The following PALM2AKAP2 variants were observed in gnomAD, a reference collection of about 807,000 sequenced individuals.
PALM2AKAP2 encodes PALM2 and AKAP2 fusion.
A neutral mutation model predicts 71.5 loss-of-function variants in PALM2AKAP2; 37 were observed. That is an observed-to-expected ratio of 0.52 (90% CI 0.40 to 0.68). The LOEUF (loss-of-function observed/expected upper bound fraction) is 0.68, where lower values mean the gene tolerates loss of function less well. Ranked by LOEUF, PALM2AKAP2 falls within the 30% of genes least tolerant of loss-of-function variation. The pLI is 0.00. For synonymous variants in PALM2AKAP2, 468 were observed against 478.8 expected, an observed-to-expected ratio of 0.98 and a Z score of 0.29; for missense variants, 1,224 against 1,191.8, an observed-to-expected ratio of 1.03 and a Z score of -0.40.
intron 3 of PALM2AKAP2, among the ~76,000 whole-genome samples, chr9:109,894,050 C>T (rs956993130): frequency 1.4e-5 from 2 of 145,392 alleles, no homozygotes; most frequent in South Asian, 4.4e-4. Flanking sequence ...AAAAAAGAAG[C>T]ATCTGGCTGG....
At chr9:109,919,735 ATGTG>A (rs1163749906) in intron 3 of PALM2AKAP2, among the ~76,000 whole-genome samples, 2,274 of 143,016 alleles carry the variant, frequency 0.016, 49 homozygotes, top group African/African-American at 0.052. Context: ...GTGTATACAT[ATGTG>A]TGTGTGTGTG....
chr9:110,172,156 TTTAA>T (rs1836874479), exon 4 of PALM2AKAP2: 1 of 152,620 alleles, frequency 6.6e-6, no homozygotes, highest in Non-Finnish European at 1.5e-5. Context: ...AAAGAATGGA[TTTAA>T]TTAAACTATG....
At chr9:109,786,087 C>T (rs1271200114) in intron 1 of PALM2AKAP2, among the ~76,000 whole-genome samples, 1 of 152,210 alleles carries the variant, frequency 6.6e-6, no homozygotes, top group Non-Finnish European at 1.5e-5. Flanking sequence ...GTGCCGTGGG[C>T]TTACAGAGAA....
At chr9:110,084,001 C>T (rs1834505426) in intron 1 of PALM2AKAP2, among the ~76,000 whole-genome samples, 1 of 152,162 alleles carries the variant, frequency 6.6e-6, no homozygotes, top group Non-Finnish European at 1.5e-5. Flanking sequence ...ATGCCTAGGG[C>T]GGGAACTCCC....
chr9:109,972,746 CGAG>C (rs1832093856), intron 6 of PALM2AKAP2, among the ~76,000 whole-genome samples: 1 of 152,174 alleles, frequency 6.6e-6, no homozygotes, highest in South Asian at 2.1e-4. Context: ...TGCAGTGTTA[CGAG>C]GAGACAAAGT....
intron 1 of PALM2AKAP2, among the ~76,000 whole-genome samples, chr9:110,120,036 C>T (rs1295775877): frequency 1.3e-5 from 2 of 152,168 alleles, no homozygotes; most frequent in South Asian, 2.1e-4. Flanking sequence ...CCCTTTTGCA[C>T]ATACCTATTT....
At position 109,893,648 on chromosome 9, in the gene PALM2AKAP2, G is replaced by A. The variant is rs1253690814; in HGVS notation, c.257+12967G>A. On this transcript the variant is annotated intron_variant, in intron 3 of 9. Coordinates refer to the PALM2AKAP2 transcript ENST00000302798. Reference sequence around the variant, plus strand: ...AACACCGTAGAGATGGGGTTTCACCGTGTTGGCCAGGGTAGTTTTGAACTC... The same window carrying A: ...AACACCGTAGAGATGGGGTTTCACCATGTTGGCCAGGGTAGTTTTGAACTC... 6.6e-5 allele frequency among the ~76,000 whole-genome samples: 10 copies of A among 152,104 alleles called. No individual in the cohort carries two copies. The East Asian group carries it at 7.7e-4, about 12-fold the overall frequency.
chr9:109,926,891 T>G (rs562235626), intron 5 of PALM2AKAP2, among the ~76,000 whole-genome samples: 133 of 152,316 alleles, frequency 8.7e-4, no homozygotes, highest in South Asian at 1.9e-3. Context: ...TACCTCAAAC[T>G]TCTTTCATTT....
At chr9:109,674,364 A>T (rs1445258185) in intron 1 of PALM2AKAP2, among the ~76,000 whole-genome samples, 3 of 152,004 alleles carry the variant, frequency 2.0e-5, no homozygotes, top group Non-Finnish European at 4.4e-5. Flanking sequence ...GCTACAGGTC[A>T]CATTTTCCTT....
intron 1 of PALM2AKAP2, among the ~76,000 whole-genome samples, chr9:109,766,602 A>G (rs1028867): frequency 0.83 from 125,895 of 152,212 alleles, 52,702 homozygotes; most frequent in African/African-American, 0.95. Flanking sequence ...TTTCATGTTA[A>G]CCTCATCATC....
At chr9:110,115,489 A>C (rs943327302) in intron 1 of PALM2AKAP2, among the ~76,000 whole-genome samples, 2 of 152,150 alleles carry the variant, frequency 1.3e-5, no homozygotes, top group African/African-American at 4.8e-5. Flanking sequence ...CCTATTTCTC[A>C]TCAGGCCAGT....
chr9:109,955,455 T>C (rs1831728887), intron 6 of PALM2AKAP2, among the ~76,000 whole-genome samples: 1 of 152,212 alleles, frequency 6.6e-6, no homozygotes, highest in South Asian at 2.1e-4. Context: ...GGAAAATAAA[T>C]AGATACTTTG....
upstream of PALM2AKAP2, among the ~76,000 whole-genome samples, chr9:110,046,162 T>C (rs1268511974): frequency 1.3e-5 from 2 of 152,366 alleles, no homozygotes; most frequent in East Asian, 3.9e-4. Context: ...TACTTTTGCA[T>C]GCAGCCATTC....
At chr9:109,683,111 T>C (rs1445751306) in intron 1 of PALM2AKAP2, among the ~76,000 whole-genome samples, 4 of 152,288 alleles carry the variant, frequency 2.6e-5, no homozygotes, top group South Asian at 4.2e-4. Context: ...TTTCACCATG[T>C]GAAGTGCCTG....
At chr9:109,921,682 AG>A (rs1830833310) in intron 3 of PALM2AKAP2, among the ~76,000 whole-genome samples, 1 of 152,216 alleles carries the variant, frequency 6.6e-6, no homozygotes, top group Non-Finnish European at 1.5e-5. Flanking sequence ...TGAGTTTCCT[AG>A]AGGAGGAAAA....
At chr9:109,657,598 G>A (rs1309027555) in intron 1 of PALM2AKAP2, among the ~76,000 whole-genome samples, 2 of 152,056 alleles carry the variant, frequency 1.3e-5, no homozygotes, top group African/African-American at 4.8e-5. Context: ...CCCATACTGT[G>A]TAAACACATT....
chr9:109,782,382 C>T (rs934631611), intron 1 of PALM2AKAP2, among the ~76,000 whole-genome samples: 1 of 152,158 alleles, frequency 6.6e-6, no homozygotes, highest in Non-Finnish European at 1.5e-5. Context: ...CCTCCCTATT[C>T]ATGGGTTCCA....
In PALM2AKAP2 at chr9:109,788,142, A is replaced by C. The variant is rs1827017075; in HGVS notation, c.45+7609A>C. Among the ~76,000 whole-genome samples, 3 of 152,248 alleles carry C rather than the reference A, an allele frequency of 2.0e-5. 1 individual carries two copies. In the South Asian group the frequency reaches 6.2e-4, roughly 31 times the overall value. ...TAGGTAATTGCTCTCTAACTCAACCAAAACAAATCTAAACCACATCAAGTC... is the reference window on the plus strand; with the variant it reads ...TAGGTAATTGCTCTCTAACTCAACCCAAACAAATCTAAACCACATCAAGTC... On this transcript the variant is annotated intron_variant, in intron 1 of 9. Transcript: ENST00000302798.
chr9:109,862,594 T>C (rs1829342452), intron 1 of PALM2AKAP2, among the ~76,000 whole-genome samples: 1 of 152,180 alleles, frequency 6.6e-6, no homozygotes, highest in African/African-American at 2.4e-5. Flanking sequence ...TCAATAGCTA[T>C]TGCAAAGAAA....
Sources: gnomAD v4.1 joint callset for allele counts (sites outside exome capture counted in the v4.1 genomes callset) on GRCh38, gnomAD v4.1.1 for gene constraint, MANE v1.5 for transcripts, NCBI Gene and HGNC (gene_info 2026-07-23, HGNC 2026-07-21) for gene names.